Variants in PSMD14 observed in about 807,000 individuals in gnomAD.
PSMD14 encodes the protein proteasome 26S subunit, non-ATPase 14.
PSMD14 carries 7 observed loss-of-function variants against 41.2 expected under a neutral mutation model. The observed-to-expected ratio is 0.17, with a 90% CI of 0.10 to 0.32. The LOEUF is 0.32. Ranked by LOEUF, PSMD14 falls within the 10% of genes least tolerant of loss-of-function variation. The pLI, the probability that PSMD14 is intolerant of heterozygous loss-of-function variation, is 1.00. For synonymous variants in PSMD14, 114 were observed against 122.3 expected, an observed-to-expected ratio of 0.93 and a Z score of 0.45; for missense variants, 139 against 375.6, an observed-to-expected ratio of 0.37 and a Z score of 5.21.
rs550752039 is a variant in PSMD14, at chr2:161,331,325, C to T, written c.48+12452C>T. Among the ~76,000 whole-genome samples the T allele has an allele frequency of 1.7e-4, 25 of 151,256 alleles. 1 individual carries two copies. Among genetic ancestry groups the T allele is most frequent in the African/African-American group, 5.8e-4 (24 of 41,174 alleles). Reference sequence around the variant, plus strand: ...TTGCTCGGGCTAGAGTGCGGTGGTGCGATCTCGGCTCAGTGCAACCTCCGC... The same window carrying T: ...TTGCTCGGGCTAGAGTGCGGTGGTGTGATCTCGGCTCAGTGCAACCTCCGC... On this transcript the variant is annotated intron_variant, in intron 3 of 11. Transcript: ENST00000409682.
At chr2:161,385,349 G>T in intron 7 of PSMD14, 115 bp from the exon 8 acceptor site, 1 of 455,924 alleles carries the variant, frequency 2.2e-6, no homozygotes, top group East Asian at 3.3e-5. Flanking sequence ...ATAATTAAAT[G>T]ATTTTCTGGA....
rs1574112506 is a variant in PSMD14, at chr2:161,316,464, G to C, written c.-110G>C. On this transcript the variant is annotated 5_prime_UTR_variant, in exon 2 of 12. Coordinates refer to ENST00000409682, the MANE Select transcript of PSMD14 (RefSeq NM_005805.6). ...GAGAAAGAAAAAATAAAATATACTTGGGGAAGTTGTACCTGCCAGAATTAG... is the reference window on the plus strand; with the variant it reads ...GAGAAAGAAAAAATAAAATATACTTCGGGAAGTTGTACCTGCCAGAATTAG... 1 of 152,006 alleles carries C rather than the reference G, an allele frequency of 6.6e-6. No individual in the cohort carries two copies. The highest frequency in any genetic ancestry group is 1.5e-5 in the Non-Finnish European group (1 of 67,986). 9.4% of individuals were successfully genotyped at this position (152,006 alleles called of 1,614,324 possible).
intron 10 of PSMD14, among the ~76,000 whole-genome samples, chr2:161,405,646 A>G (rs1234519306): frequency 6.6e-6 from 1 of 152,218 alleles, no homozygotes; most frequent in Non-Finnish European, 1.5e-5. Context: ...TATATAGTCA[A>G]TACTTTAAAA....
At chr2:161,345,687 G>A (rs139695890) in intron 3 of PSMD14, among the ~76,000 whole-genome samples, 7 of 151,968 alleles carry the variant, frequency 4.6e-5, no homozygotes, top group African/African-American at 1.4e-4. Flanking sequence ...TCATGTGTCC[G>A]AAGGCCTGTT....
At chr2:161,352,479 A>G (rs1683132890) in intron 3 of PSMD14, among the ~76,000 whole-genome samples, 1 of 152,238 alleles carries the variant, frequency 6.6e-6, no homozygotes, top group South Asian at 2.1e-4. Flanking sequence ...CACTAGAATA[A>G]TAAACTACAC....
chr2:161,364,501 C>T lies in PSMD14; in HGVS notation c.49-2977C>T, dbSNP rs1470999133. 2.6e-5 allele frequency among the ~76,000 whole-genome samples: 4 copies of T among 152,230 alleles called. No homozygotes were observed. In the East Asian group the frequency reaches 7.7e-4, roughly 29 times the overall value. On this transcript the variant is annotated intron_variant, in intron 3 of 11. Transcript: ENST00000409682. The stretch of plus-strand genomic sequence containing the variant: ...AGCCAGGGGCCACACCCTCCTCTAC[C>T]CAGCCCTGCCTTGGCCCCCCTCCCC...
intron 3 of PSMD14, among the ~76,000 whole-genome samples, chr2:161,362,524 A>G (rs1683304564): frequency 6.6e-6 from 1 of 152,210 alleles, no homozygotes; most frequent in Admixed American, 6.5e-5. Context: ...CTTTTATTCA[A>G]GAAGCTCTTT....
intron 7 of PSMD14, among the ~76,000 whole-genome samples, chr2:161,381,170 ATTAT>A (rs1259775479): frequency 1.3e-5 from 2 of 151,108 alleles, no homozygotes; most frequent in African/African-American, 2.4e-5. Context: ...GATTTTAAAA[ATTAT>A]TTCAGTTCGT....
intron 3 of PSMD14, among the ~76,000 whole-genome samples, chr2:161,345,691 G>T (rs904420860): frequency 1.3e-5 from 2 of 151,902 alleles, no homozygotes; most frequent in Admixed American, 6.6e-5. Flanking sequence ...GTGTCCGAAG[G>T]CCTGTTATTT....
chr2:161,399,958 C>G (rs1353941216), intron 10 of PSMD14, among the ~76,000 whole-genome samples: 1 of 152,150 alleles, frequency 6.6e-6, no homozygotes, highest in Non-Finnish European at 1.5e-5. Context: ...TAATTCCTAT[C>G]ACGTTATCTT....
intron 7 of PSMD14, chr2:161,383,707 A>G (rs1372801094): frequency 2.0e-5 from 3 of 151,644 alleles, no homozygotes; most frequent in Non-Finnish European, 3.0e-5. Flanking sequence ...AAATCTTGAA[A>G]TGGGCCAAAA....
chr2:161,403,280 A>C (rs1683905991), intron 10 of PSMD14, among the ~76,000 whole-genome samples: 1 of 152,228 alleles, frequency 6.6e-6, no homozygotes, highest in East Asian at 1.9e-4. Flanking sequence ...AAGTGAAAGA[A>C]GACAGATGCA....
At chr2:161,315,658 AATG>A (rs1172777692) in intron 1 of PSMD14, among the ~76,000 whole-genome samples, 13 of 152,190 alleles carry the variant, frequency 8.5e-5, no homozygotes, top group African/African-American at 3.1e-4. Context: ...TTGATTAAGA[AATG>A]ATGGACTACT....
chr2:161,407,366 T>A (rs1683961576), intron 10 of PSMD14, among the ~76,000 whole-genome samples: 2 of 152,124 alleles, frequency 1.3e-5, no homozygotes, highest in Non-Finnish European at 1.5e-5. Flanking sequence ...TGTTATTAAC[T>A]TTTTCTTCTT....
At chr2:161,386,183 C>T (rs891588427) in intron 8 of PSMD14, among the ~76,000 whole-genome samples, 3 of 151,824 alleles carry the variant, frequency 2.0e-5, no homozygotes, top group Non-Finnish European at 4.4e-5. Flanking sequence ...GTATCATTCA[C>T]ATGCCATGGT....
rs1683375904 is a variant in PSMD14, at chr2:161,367,540, A to G, written c.111A>G (p.Ala37=). 2 of 1,599,640 alleles carry G rather than the reference A, an allele frequency of 1.3e-6. No individual in the cohort carries two copies. Among genetic ancestry groups the G allele is most frequent in the Non-Finnish European group, 1.7e-6 (2 of 1,172,430 alleles). Residue 37 remains alanine (A), a synonymous_variant, in exon 4 of 12, where the codon GCA becomes GCG. Transcript: ENST00000409682. ...AACAAGTCTATATCTCTTCCCTGGC[A>G]CTGTTAAAAGTAGGTAATGAATGTA... ...TAEQVYISSL[A]LLKMLKHGRA...
intron 7 of PSMD14, chr2:161,383,082 CCTT>C (rs781434889): frequency 1.8e-4 from 28 of 151,508 alleles, no homozygotes; most frequent in African/African-American, 5.8e-4. Flanking sequence ...ATAATTAACA[CCTT>C]CTTCACCCAT....
At chr2:161,331,765 T>TA (rs1298567722) in intron 3 of PSMD14, among the ~76,000 whole-genome samples, 1 of 151,920 alleles carries the variant, frequency 6.6e-6, no homozygotes, top group African/African-American at 2.4e-5. Context: ...CTCTGGAATT[T>TA]AAAAAAAATG....
intron 7 of PSMD14, among the ~76,000 whole-genome samples, chr2:161,371,990 TTCTA>T (rs1683441592): frequency 1.3e-5 from 2 of 152,032 alleles, no homozygotes; most frequent in African/African-American, 4.8e-5. Context: ...ATTTCTTTCT[TTCTA>T]GCCCCATATG....
Sources: allele counts gnomAD v4.1 joint callset (sites outside exome capture counted in the v4.1 genomes callset), GRCh38; gene constraint gnomAD v4.1.1; transcripts MANE v1.5; gene names NCBI Gene and HGNC (gene_info 2026-07-23, HGNC 2026-07-21).